Variants in TRPM6 observed in about 807,000 individuals in gnomAD.
The protein encoded by TRPM6 is channel kinase 2.
A neutral mutation model predicts 247.6 loss-of-function variants in TRPM6; 111 were observed. The ratio of observed to expected loss-of-function variants is 0.45; its 90% confidence interval spans 0.38 to 0.52. The LOEUF is 0.52. Among genes scored for constraint, TRPM6 ranks in the 20% least tolerant of loss-of-function variants. TRPM6 has a pLI of 0.00. For synonymous variants in TRPM6, 892 were observed against 853.8 expected, an observed-to-expected ratio of 1.04 and a Z score of -0.78; for missense variants, 2,126 against 2,421.5, an observed-to-expected ratio of 0.88 and a Z score of 2.56.
intron 3 of TRPM6, among the ~76,000 whole-genome samples, chr9:74,852,108 C>T (rs1830340323): frequency 2.0e-5 from 3 of 151,518 alleles, no homozygotes; most frequent in Admixed American, 2.0e-4. Context: ...CGCACTTCAG[C>T]CTGGGAGAAA....
intron 7 of TRPM6, among the ~76,000 whole-genome samples, chr9:74,824,021 C>T (rs1433603007): frequency 6.6e-6 from 1 of 151,688 alleles, no homozygotes. Flanking sequence ...GAAAACTGTC[C>T]CTTTCTTCTG....
chr9:74,887,300 G>T, intron 1 of TRPM6: 1 of 1,371,200 alleles, frequency 7.3e-7, no homozygotes. Flanking sequence ...ACGCGCAGGG[G>T]CGCGGAGGGA....
intron 30 of TRPM6, among the ~76,000 whole-genome samples, chr9:74,749,635 G>A (rs1257468101): frequency 6.6e-6 from 1 of 152,134 alleles, no homozygotes; most frequent in African/African-American, 2.4e-5. Context: ...CTGCTCAAAT[G>A]CACAAGTGGC....
At chr9:74,759,118 C>T (rs1425638014) in intron 27 of TRPM6, among the ~76,000 whole-genome samples, 1 of 152,038 alleles carries the variant, frequency 6.6e-6, no homozygotes, top group Non-Finnish European at 1.5e-5. Flanking sequence ...TCAAAGAAGA[C>T]CTAAATGGAG....
At chr9:74,812,091 G>A (rs1164889208) in intron 12 of TRPM6, among the ~76,000 whole-genome samples, 2 of 152,220 alleles carry the variant, frequency 1.3e-5, no homozygotes, top group African/African-American at 2.4e-5. Context: ...GTTTTAACAT[G>A]TATGCATTTT....
intron 3 of TRPM6, among the ~76,000 whole-genome samples, chr9:74,851,700 G>A (rs1318648261): frequency 6.7e-6 from 1 of 150,226 alleles, no homozygotes; most frequent in African/African-American, 2.4e-5. Context: ...GGTGAGCCAA[G>A]ATTGCGCCAC....
chr9:74,801,773 A>G (rs1369148623), intron 16 of TRPM6, 125 bp downstream of exon 16: 10 of 1,184,704 alleles, frequency 8.4e-6, no homozygotes, highest in Non-Finnish European at 1.2e-5. Context: ...TTTTAACAGG[A>G]GAGTCCATAA....
intron 25 of TRPM6, 137 bp from the exon 26 acceptor site, chr9:74,763,271 T>C: frequency 1.2e-6 from 1 of 828,482 alleles, no homozygotes; most frequent in South Asian, 1.5e-5. Flanking sequence ...TTTTGCCTTC[T>C]TCTTCGCCCA....
intron 1 of TRPM6, chr9:74,875,155 C>T (rs773249521): frequency 1.1e-4 from 45 of 416,366 alleles, no homozygotes; most frequent in Non-Finnish European, 1.2e-4. Flanking sequence ...TTTAAAACCA[C>T]CATCATCATC....
intron 20 of TRPM6, among the ~76,000 whole-genome samples, chr9:74,787,951 G>A (rs563701634): frequency 2.6e-5 from 4 of 152,010 alleles, no homozygotes; most frequent in East Asian, 1.9e-4. Flanking sequence ...TCCTGACCTC[G>A]TGATCTGCCT....
chr9:74,794,278 T>C (rs1157567464), intron 18 of TRPM6, among the ~76,000 whole-genome samples: 1 of 152,220 alleles, frequency 6.6e-6, no homozygotes, highest in Non-Finnish European at 1.5e-5. Flanking sequence ...ATCTCTTTAA[T>C]GTCAGACCTG....
chr9:74,826,361 G>A (rs1280141323), intron 7 of TRPM6, among the ~76,000 whole-genome samples: 1 of 152,170 alleles, frequency 6.6e-6, no homozygotes, highest in Non-Finnish European at 1.5e-5. Flanking sequence ...AAACTAAATG[G>A]ACTTCCAGTC....
intron 6 of TRPM6, among the ~76,000 whole-genome samples, chr9:74,829,709 A>G (rs1356843281): frequency 6.6e-6 from 1 of 152,246 alleles, no homozygotes; most frequent in African/African-American, 2.4e-5. Context: ...AAGGAAAATA[A>G]TTGAGAGATT....
chr9:74,776,261 T>C, intron 23 of TRPM6, 185 bp from the exon 24 acceptor site: 1 of 602,414 alleles, frequency 1.7e-6, no homozygotes, highest in Non-Finnish European at 3.0e-6. Context: ...CCTTCTACAA[T>C]GAAACATGCT....
At chr9:74,757,710 C>T (rs1211877835) in intron 27 of TRPM6, among the ~76,000 whole-genome samples, 2 of 152,144 alleles carry the variant, frequency 1.3e-5, no homozygotes, top group African/African-American at 2.4e-5. Flanking sequence ...GTCAGGAGTT[C>T]GAGATCAGCC....
At position 74,761,994 on chromosome 9, in the gene TRPM6, C is replaced by T. The variant is rs1321694513; in HGVS notation, c.4672+5G>A. ...ATGCTGATATTTTAAATGTTTATTC[C>T]TTACTTTTAATCTTACAGATCTTCA... On this transcript the variant is annotated splice_donor_5th_base_variant and intron_variant, in intron 26 of 38. Transcript: ENST00000360774. 1 of 1,613,044 alleles carries T rather than the reference C, an allele frequency of 6.2e-7. No individual in the cohort carries two copies. Among genetic ancestry groups the T allele is most frequent in the Non-Finnish European group, 8.5e-7 (1 of 1,179,166 alleles).
At position 74,762,923 on chromosome 9, in the gene TRPM6, G is replaced by T. The variant is rs1375522868; in HGVS notation, c.3748C>A (p.Pro1250Thr). Residue 1250 changes from proline to threonine, a missense_variant, in exon 26 of 39, where the codon CCC becomes ACC. Pro to Thr is a conservative substitution (Grantham distance 38, BLOSUM62 -1). Around this residue, in one of 3 missense-constraint regions of TRPM6, gnomAD observed 717 missense variants for 715.9 expected, o/e 1.00. Coordinates refer to ENST00000360774, the MANE Select transcript of TRPM6 (RefSeq NM_017662.5). ...KRKHSTCKKLPHSWSNVICAE... is the reference protein window; with the variant it reads ...KRKHSTCKKLTHSWSNVICAE... Reference sequence around the variant, plus strand: ...CAGATGACATTGCTCCAGCTGTGGGGAAGTTTTTTGCAAGTAGAATGCTTT... The same window carrying T: ...CAGATGACATTGCTCCAGCTGTGGGTAAGTTTTTTGCAAGTAGAATGCTTT... 1.9e-6 allele frequency: 3 copies of T among 1,605,924 alleles called. No individual in the cohort carries two copies. Among genetic ancestry groups the T allele is most frequent in the Non-Finnish European group, 2.6e-6 (3 of 1,174,722 alleles).
intron 20 of TRPM6, among the ~76,000 whole-genome samples, chr9:74,786,703 G>A (rs546409067): frequency 2.0e-5 from 3 of 152,266 alleles, no homozygotes; most frequent in Admixed American, 1.3e-4. Flanking sequence ...TCGCACCACC[G>A]CACTCCAGCC....
chr9:74,738,776 G>C (rs2118731872), intron 35 of TRPM6, among the ~76,000 whole-genome samples, 164 bp from the exon 36 acceptor site: 1 of 152,222 alleles, frequency 6.6e-6, no homozygotes. Context: ...CAAATATTGG[G>C]AATTTTTCTT....
Sources: gnomAD v4.1 joint callset for allele counts (sites outside exome capture counted in the v4.1 genomes callset) on GRCh38, gnomAD v4.1.1 for gene constraint, gnomAD v4.1.1 regional missense constraint, MANE v1.5 for transcripts, NCBI Gene and HGNC (gene_info 2026-07-23, HGNC 2026-07-21) for gene names.